VAT1L: variants seen among roughly 807,000 people sequenced by gnomAD.
VAT1L encodes the protein putative NADPH-dependent quinone oxidoreductase VAT1L.
VAT1L carries 34 observed loss-of-function variants against 44.1 expected under a neutral mutation model. The observed-to-expected ratio is 0.77, with a 90% CI of 0.59 to 1.03. The LOEUF is 1.03. Ranked by LOEUF, VAT1L falls within the 50% of genes least tolerant of loss-of-function variation. The pLI, the probability that VAT1L is intolerant of heterozygous loss-of-function variation, is 0.00. For missense variants in VAT1L, 615 were observed against 538.8 expected, an observed-to-expected ratio of 1.14 and a Z score of -1.40; for synonymous variants, 253 against 202.2, an observed-to-expected ratio of 1.25 and a Z score of -2.13.
At chr16:77,857,740 A>G (rs1275324826) in intron 3 of VAT1L, among the ~76,000 whole-genome samples, 2 of 149,144 alleles carry the variant, frequency 1.3e-5, no homozygotes, top group Non-Finnish European at 3.0e-5. Context: ...TTCTAGTTAT[A>G]AGTCATATAT....
rs772342825 is a variant in VAT1L at position 77,977,597 on chromosome 16, A to G, written c.1162A>G (p.Met388Val). ...LDVEKTPTPL[M>V]ANDSTETSEA... ...AATAACATCCTCTTTTGAATTACAG[A>G]TGGCCAATGACAGCACAGAGACCAG... Residue 388 changes from methionine to valine, a missense_variant and splice_region_variant, in exon 9 of 9, where the codon ATG (methionine) becomes GTG (valine). Coordinates refer to ENST00000302536, the MANE Select transcript of VAT1L (RefSeq NM_020927.3). The G allele has an allele frequency of 6.2e-7, 1 of 1,613,990 alleles. No homozygotes were observed. Among genetic ancestry groups the G allele is most frequent in the South Asian group, 1.1e-5 (1 of 91,034 alleles).
At chr16:77,823,040 T>C (rs1345322420) in intron 2 of VAT1L, among the ~76,000 whole-genome samples, 1 of 152,118 alleles carries the variant, frequency 6.6e-6, no homozygotes, top group Non-Finnish European at 1.5e-5. Flanking sequence ...GTTGTCTTTA[T>C]ACTATATCAT....
chr16:77,968,345 T>C (rs2018244711), intron 7 of VAT1L, among the ~76,000 whole-genome samples: 1 of 152,098 alleles, frequency 6.6e-6, no homozygotes, highest in Non-Finnish European at 1.5e-5. Context: ...GGTGAAACAA[T>C]AGCTATGCCG....
At chr16:77,904,721 A>C (rs62042183) in intron 7 of VAT1L, among the ~76,000 whole-genome samples, 15,408 of 152,318 alleles carry the variant, frequency 0.1, 940 homozygotes, top group Non-Finnish European at 0.15. Context: ...GATTTAGAGC[A>C]TTCTTACTTT....
rs409260 is a variant in VAT1L at position 77,978,332 on chromosome 16, C to A, written c.*637C>A. 14,430 of 152,330 alleles carry A rather than the reference C, an allele frequency of 0.095. 799 individuals are homozygous for A. Among genetic ancestry groups the A allele is most frequent in the African/African-American group, 0.13 (5,222 of 41,524 alleles). 9.4% of individuals were successfully genotyped at this position (152,330 alleles called of 1,614,324 possible). ...GCTCTTATCTGTAAACACAGGGAGG[C>A]AGGTATGGATTTTTCACAGTAGACA... On this transcript the variant is annotated 3_prime_UTR_variant, in exon 9 of 9. Transcript: ENST00000302536.
chr16:77,829,700 C>T (rs1355004627), intron 3 of VAT1L, among the ~76,000 whole-genome samples: 1 of 152,154 alleles, frequency 6.6e-6, no homozygotes, highest in African/African-American at 2.4e-5. Flanking sequence ...TGTTGGGCCT[C>T]GAGTTTTGTT....
intron 3 of VAT1L, among the ~76,000 whole-genome samples, chr16:77,852,655 G>A (rs544592691): frequency 6.6e-6 from 1 of 152,312 alleles, no homozygotes; most frequent in East Asian, 1.9e-4. Context: ...GATAGAATGA[G>A]ATGTGTGTAA....
At chr16:77,846,721 TG>T (rs1438366369) in intron 3 of VAT1L, among the ~76,000 whole-genome samples, 8 of 152,252 alleles carry the variant, frequency 5.3e-5, no homozygotes, top group Non-Finnish European at 1.0e-4. Context: ...AAAGGAATTA[TG>T]GTATATCTAT....
intron 7 of VAT1L, among the ~76,000 whole-genome samples, chr16:77,926,679 A>G (rs756429881): frequency 9.2e-5 from 14 of 152,166 alleles, no homozygotes; most frequent in Admixed American, 2.0e-4. Context: ...TTCAGGATAA[A>G]AACTAAGGTT....
intron 2 of VAT1L, among the ~76,000 whole-genome samples, chr16:77,817,289 T>C (rs2016373601): frequency 6.6e-6 from 1 of 152,188 alleles, no homozygotes; most frequent in Non-Finnish European, 1.5e-5. Flanking sequence ...GTCTCCCCCT[T>C]CATTCATGTC....
intron 7 of VAT1L, among the ~76,000 whole-genome samples, chr16:77,927,895 C>G (rs2017688275): frequency 1.3e-5 from 2 of 152,124 alleles, no homozygotes; most frequent in Admixed American, 1.3e-4. Context: ...AATAAATAAA[C>G]TTTTCAATTT....
At chr16:77,906,965 T>A (rs1162552286) in intron 7 of VAT1L, among the ~76,000 whole-genome samples, 1 of 152,144 alleles carries the variant, frequency 6.6e-6, no homozygotes, top group Non-Finnish European at 1.5e-5. Flanking sequence ...ATTTCTTTCA[T>A]GGGATAAGAT....
At chr16:77,858,348 T>C (rs1258875374) in intron 3 of VAT1L, among the ~76,000 whole-genome samples, 1 of 152,164 alleles carries the variant, frequency 6.6e-6, no homozygotes, top group Non-Finnish European at 1.5e-5. Flanking sequence ...GTGGGGAAAC[T>C]GGCGTTGATG....
At chr16:77,841,930 C>T (rs1897384581) in intron 3 of VAT1L, among the ~76,000 whole-genome samples, 1 of 151,878 alleles carries the variant, frequency 6.6e-6, no homozygotes, top group African/African-American at 2.4e-5. Flanking sequence ...CTCTGTTGCC[C>T]AGGCTGTAGT....
At chr16:77,873,285 C>T (rs137868838) in intron 4 of VAT1L, among the ~76,000 whole-genome samples, 15 of 152,188 alleles carry the variant, frequency 9.9e-5, no homozygotes, top group African/African-American at 9.6e-5. Flanking sequence ...ATCTGTAAGC[C>T]GTGATTTCAT....
intron 1 of VAT1L, among the ~76,000 whole-genome samples, chr16:77,794,469 T>C (rs777738936): frequency 1.3e-5 from 2 of 152,182 alleles, no homozygotes; most frequent in Non-Finnish European, 2.9e-5. Context: ...ACTAAAGATA[T>C]TGGAGTTCCT....
At chr16:77,941,536 T>G (rs1176801716) in intron 7 of VAT1L, among the ~76,000 whole-genome samples, 1 of 152,170 alleles carries the variant, frequency 6.6e-6, no homozygotes, top group African/African-American at 2.4e-5. Flanking sequence ...ATATACACAG[T>G]AATGGGACTG....
rs1204857400 is a variant in VAT1L at position 77,788,912 on chromosome 16, C to A, written c.230C>A (p.Ala77Asp). Reference sequence around the variant, plus strand: ...GGCGAGCTCAAGATCCGCGTCAAAGCCTGGTCCAGTATCCGCGCCTTTCTC... The same window carrying A: ...GGCGAGCTCAAGATCCGCGTCAAAGACTGGTCCAGTATCCGCGCCTTTCTC... ...QDGELKIRVKACGLNFIDLMV... is the reference protein window; with the variant it reads ...QDGELKIRVKDCGLNFIDLMV... The change falls in exon 1 of 9, where the codon GCC becomes GAC. Residue 77 changes from alanine (A) to aspartate (D), a missense_variant. Transcript: ENST00000302536. 3 of 1,508,992 alleles carry A rather than the reference C, an allele frequency of 2.0e-6. No individual in the cohort carries two copies. The highest frequency in any genetic ancestry group is 1.4e-5 in the African/African-American group (1 of 71,228). The allele number at this position is 1,508,992 out of a possible 1,614,324, so 93.5% of individuals were successfully genotyped here.
intron 1 of VAT1L, among the ~76,000 whole-genome samples, chr16:77,811,836 C>A (rs1455528833): frequency 6.6e-6 from 1 of 152,134 alleles, no homozygotes; most frequent in African/African-American, 2.4e-5. Flanking sequence ...TCTAAGCATA[C>A]AAGTCAATGT....
Sources: allele counts gnomAD v4.1 joint callset (sites outside exome capture counted in the v4.1 genomes callset), GRCh38; gene constraint gnomAD v4.1.1; transcripts MANE v1.5; gene names NCBI Gene and HGNC (gene_info 2026-07-23, HGNC 2026-07-21).